Variants in EYS observed in about 807,000 individuals in gnomAD.
The protein encoded by EYS is protein eyes shut homolog.
EYS carries 250 observed loss-of-function variants against 282.1 expected under a neutral mutation model. The observed-to-expected ratio is 0.89, with a 90% CI of 0.80 to 0.98. The LOEUF is 0.98. EYS is among the 50% of genes least tolerant of loss of function. The pLI, the probability that EYS is intolerant of heterozygous loss-of-function variation, is 0.00. For synonymous variants in EYS, 1,355 were observed against 1,282.9 expected, an observed-to-expected ratio of 1.06 and a Z score of -1.20; for missense variants, 4,016 against 3,709.0, an observed-to-expected ratio of 1.08 and a Z score of -2.15.
chr6:65,159,013 T>G (rs1028750503), intron 12 of EYS, among the ~76,000 whole-genome samples: 3 of 150,994 alleles, frequency 2.0e-5, no homozygotes, highest in Non-Finnish European at 4.5e-5. Context: ...TGTTTGTATT[T>G]TTAATAGTGA....
chr6:64,755,879 C>A (rs938225962), intron 22 of EYS, among the ~76,000 whole-genome samples: 2 of 151,998 alleles, frequency 1.3e-5, no homozygotes, highest in East Asian at 1.9e-4. Context: ...GCACTTGTAA[C>A]CCTTAAATCT....
chr6:65,074,489 G>A, intron 12 of EYS, among the ~76,000 whole-genome samples: 1 of 152,012 alleles, frequency 6.6e-6, no homozygotes, highest in East Asian at 1.9e-4. Flanking sequence ...GGCTACTGCC[G>A]AGGGAGTGCT....
At chr6:65,446,537 C>T (rs1305077671) in intron 5 of EYS, among the ~76,000 whole-genome samples, 2 of 151,772 alleles carry the variant, frequency 1.3e-5, no homozygotes, top group Non-Finnish European at 2.9e-5. Flanking sequence ...GAGAGTTGTG[C>T]TAGCTGTTAA....
chr6:64,747,528 G>A (rs1772598740), intron 22 of EYS, among the ~76,000 whole-genome samples: 1 of 152,068 alleles, frequency 6.6e-6, no homozygotes, highest in East Asian at 1.9e-4. Flanking sequence ...TTACAGGCAC[G>A]CATCACCATG....
chr6:65,546,714 G>C (rs1399741760), intron 2 of EYS, among the ~76,000 whole-genome samples: 2 of 151,966 alleles, frequency 1.3e-5, no homozygotes, highest in Middle Eastern at 3.2e-3. Flanking sequence ...TGGGATTACA[G>C]GCGCCTGCTA....
intron 22 of EYS, among the ~76,000 whole-genome samples, chr6:64,657,791 T>C (rs1403342323): frequency 6.6e-6 from 1 of 152,194 alleles, no homozygotes; most frequent in Non-Finnish European, 1.5e-5. Flanking sequence ...CTTAACATTA[T>C]TTCCTTCATT....
At chr6:64,044,947 T>G (rs1046073322) in intron 33 of EYS, among the ~76,000 whole-genome samples, 7 of 152,150 alleles carry the variant, frequency 4.6e-5, no homozygotes, top group African/African-American at 1.2e-4. Context: ...CTAATTCCCT[T>G]GGGAATTAGC....
intron 5 of EYS, among the ~76,000 whole-genome samples, chr6:65,471,110 CTGGG>C (rs1765195845): frequency 6.6e-6 from 1 of 151,626 alleles, no homozygotes; most frequent in African/African-American, 2.4e-5. Context: ...GCACTCCAGC[CTGGG>C]TGACAGAGCA....
At chr6:65,621,688 G>T (rs141969579) in intron 2 of EYS, among the ~76,000 whole-genome samples, 16 of 152,014 alleles carry the variant, frequency 1.1e-4, no homozygotes, top group African/African-American at 3.9e-4. Context: ...GCAGCGGCTG[G>T]TATTGGTTGT....
intron 22 of EYS, among the ~76,000 whole-genome samples, chr6:64,636,411 C>T (rs1228927459): frequency 3.3e-5 from 5 of 152,144 alleles, no homozygotes; most frequent in South Asian, 4.1e-4. Flanking sequence ...AACTGGATCC[C>T]GTCCTTACAT....
intron 22 of EYS, among the ~76,000 whole-genome samples, chr6:64,693,408 G>A (rs1023392070): frequency 6.6e-5 from 10 of 152,044 alleles, no homozygotes; most frequent in African/African-American, 2.4e-4. Context: ...ATAAAGTACT[G>A]TAATGAAAAT....
Position 65,167,306 on chromosome 6 carries a change from G to A in EYS, c.2024-109579C>T, listed in dbSNP as rs116527551. On this transcript the variant is annotated intron_variant, in intron 12 of 42. Coordinates refer to ENST00000503581, the MANE Select transcript of EYS (RefSeq NM_001142800.2). ...TGCATACAAGGGAATATATCCAACAGTTATTTTAAAAGATGAATGGATTGT... is the reference window on the plus strand; with the variant it reads ...TGCATACAAGGGAATATATCCAACAATTATTTTAAAAGATGAATGGATTGT... Among the ~76,000 whole-genome samples the A allele has an allele frequency of 6.4e-3, 972 of 151,412 alleles. 12 individuals are homozygous for A. The highest frequency in any genetic ancestry group is 0.022 in the African/African-American group (914 of 41,448).
At chr6:65,548,950 G>A (rs1440637312) in intron 2 of EYS, among the ~76,000 whole-genome samples, 1 of 152,148 alleles carries the variant, frequency 6.6e-6, no homozygotes, top group Non-Finnish European at 1.5e-5. Flanking sequence ...CCAGATGGGA[G>A]GGGAGGGTGG....
intron 18 of EYS, among the ~76,000 whole-genome samples, chr6:64,895,014 A>C (rs1251775219): frequency 6.6e-6 from 1 of 152,122 alleles, no homozygotes; most frequent in Non-Finnish European, 1.5e-5. Flanking sequence ...AGACCAATGG[A>C]GATTTTAAAG....
In EYS at chr6:63,966,671, G is replaced by A. The variant is rs149726185; in HGVS notation, c.7055+17712C>T. ...TTTTACTATTGCTGTGATCTTGGGT[G>A]GATCGTTTAACCTCTCTGTACCTTA... On this transcript the variant is annotated intron_variant, in intron 35 of 42. Transcript: ENST00000503581. 2.4e-4 allele frequency among the ~76,000 whole-genome samples: 37 copies of A among 152,264 alleles called. 1 individual carries two copies. In the East Asian group the frequency reaches 5.8e-3, roughly 24 times the overall value.
intron 14 of EYS, among the ~76,000 whole-genome samples, chr6:64,991,781 G>C (rs1021867461): frequency 6.6e-6 from 1 of 151,592 alleles, no homozygotes; most frequent in Non-Finnish European, 1.5e-5. Flanking sequence ...AAGGAAAGAT[G>C]CTATGAAATA....
chr6:64,528,369 C>T (rs1777991531), intron 26 of EYS, among the ~76,000 whole-genome samples: 1 of 151,754 alleles, frequency 6.6e-6, no homozygotes, highest in South Asian at 2.1e-4. Context: ...ACATAGTCTC[C>T]TTTATGGCTC....
intron 12 of EYS, among the ~76,000 whole-genome samples, chr6:65,149,215 A>G (rs1296725168): frequency 1.3e-5 from 2 of 152,054 alleles, no homozygotes; most frequent in Admixed American, 6.6e-5. Flanking sequence ...CAAATTTTCT[A>G]AATTTTTATG....
chr6:65,100,154 C>G (rs1774853471), intron 12 of EYS, among the ~76,000 whole-genome samples: 1 of 150,764 alleles, frequency 6.6e-6, no homozygotes, highest in South Asian at 2.1e-4. Flanking sequence ...TTTGTGCGGA[C>G]AGTTCACGAT....
Sources: allele counts gnomAD v4.1 joint callset (sites outside exome capture counted in the v4.1 genomes callset), GRCh38; gene constraint gnomAD v4.1.1; transcripts MANE v1.5; gene names NCBI Gene and HGNC (gene_info 2026-07-23, HGNC 2026-07-21).